MYOD1: variants seen among roughly 807,000 people sequenced by gnomAD.
The protein encoded by MYOD1 is myoblast determination protein 1.
A neutral mutation model predicts 14.9 loss-of-function variants in MYOD1; 15 were observed. The observed-to-expected ratio is 1.01, with a 90% confidence interval of 0.67 to 1.55. The LOEUF (loss-of-function observed/expected upper bound fraction) is 1.55. Ranked by LOEUF, MYOD1 falls within the 40% of genes most tolerant of loss-of-function variation. The probability of loss-of-function intolerance (pLI) is 0.00; values close to 1 mark genes in which losing one functional copy is unlikely to be tolerated. For synonymous variants in MYOD1, 235 were observed against 218.6 expected (o/e 1.07, Z -0.66); for missense variants, 529 against 482.6 (o/e 1.10, Z -0.90).
rs922852099 is a variant in MYOD1 at position 17,720,936 on chromosome 11, G to A, written c.665G>A (p.Arg222Gln). ...AGCGGCCCCCCGAGCGGCGCCCGGC[G>A]GCGGAACTGCTACGAAGGCGCCTAC... ...DYSGPPSGAR[R>Q]RNCYEGAYYN... is the part of the protein sequence containing the mutation. Residue 222 changes from arginine to glutamine, a missense_variant, in exon 2 of 3, where the codon CGG becomes CAG. Transcript: ENST00000250003. 3.1e-6 allele frequency: 5 copies of A among 1,610,516 alleles called. No homozygotes were observed. Among genetic ancestry groups the A allele is most frequent in the Non-Finnish European group, 2.5e-6 (3 of 1,179,258 alleles).
Position 17,721,541 on chromosome 11 carries a change from G to A in MYOD1, c.*33G>A. 6.7e-7 allele frequency: 1 copy of A among 1,493,618 alleles called. No individual in the cohort carries two copies. Among genetic ancestry groups the A allele is most frequent in the Non-Finnish European group, 8.9e-7 (1 of 1,127,914 alleles). 92.5% of individuals were successfully genotyped at this position (1,493,618 alleles called of 1,614,324 possible). On this transcript the variant is annotated 3_prime_UTR_variant, in exon 3 of 3. Transcript: ENST00000250003. The surrounding 1 kb of genome is among the most constrained non-coding windows in gnomAD (Gnocchi z 6.2). ...GTGGCCGCCCACCCGCCCGAGGGAT[G>A]GTGCCCCTAGGGTCCCTCGCGCCCA...
chr11:17,721,849 G>T lies in MYOD1; in HGVS notation c.*341G>T. The T allele has an allele frequency of 3.1e-6, 1 of 321,350 alleles. No individual in the cohort carries two copies. Among genetic ancestry groups the T allele is most frequent in the Non-Finnish European group, 5.6e-6 (1 of 177,306 alleles). The allele number at this position is 321,350 out of a possible 1,614,324, so 19.9% of individuals were successfully genotyped here. A position where few individuals can be genotyped will look rare whatever the true frequency, so the allele number is the denominator to read the frequency against. ...CTAAGCCCTGCCCCGGGATGCACCG[G>T]TTATTTGGGGGGGCGTGAGACCCAG... On this transcript the variant is annotated 3_prime_UTR_variant, in exon 3 of 3. Coordinates refer to ENST00000250003, the MANE Select transcript of MYOD1 (RefSeq NM_002478.5). This position sits in a 1 kb window ranked among gnomAD's most constrained non-coding sequence, Gnocchi z 6.2.
In MYOD1 at chr11:17,721,661, C is replaced by T; in HGVS notation, c.*153C>T. ...GGGAGAACTGAAGTTTCCGCCCCCGCCCCACAGGGCAAGGACACAGCGCGG... is the reference window on the plus strand; with the variant it reads ...GGGAGAACTGAAGTTTCCGCCCCCGTCCCACAGGGCAAGGACACAGCGCGG... On this transcript the variant is annotated 3_prime_UTR_variant, in exon 3 of 3. Coordinates refer to ENST00000250003, the MANE Select transcript of MYOD1 (RefSeq NM_002478.5). The surrounding 1 kb of genome is among the most constrained non-coding windows in gnomAD (Gnocchi z 6.2). 1.1e-6 allele frequency: 1 copy of T among 889,570 alleles called. No individual in the cohort carries two copies. 55.1% of individuals were successfully genotyped at this position (889,570 alleles called of 1,614,324 possible).
In MYOD1 at chr11:17,721,178, C is replaced by T; in HGVS notation, c.710-77C>T. Reference sequence around the variant, plus strand: ...CTAAAGTCCTCAGTTTCCAATCTGTCTCAAAGTACTGGGCCCGGGGGTGGG... The same window carrying T: ...CTAAAGTCCTCAGTTTCCAATCTGTTTCAAAGTACTGGGCCCGGGGGTGGG... On this transcript the variant is annotated intron_variant, in intron 2 of 2. Transcript: ENST00000250003. This position sits in a 1 kb window ranked among gnomAD's most constrained non-coding sequence, Gnocchi z 6.2. 1 of 1,446,500 alleles carries T rather than the reference C, an allele frequency of 6.9e-7. No homozygotes were observed. The highest frequency in any genetic ancestry group is 9.1e-7 in the Non-Finnish European group (1 of 1,099,050). The allele number at this position is 1,446,500 out of a possible 1,614,324, so 89.6% of individuals were successfully genotyped here. A position where few individuals can be genotyped will look rare whatever the true frequency, so the allele number is the denominator to read the frequency against.
Position 17,721,492 on chromosome 11 carries a change from T to A in MYOD1, c.947T>A (p.Ile316Lys), listed in dbSNP as rs1460203584. ...CCTGCGGGTGCGAACCCCAACCCGA[T>A]ATACCAGGTGCTCTGAGGGGATGGT... is the stretch of plus-strand genomic sequence containing the variant. Reference protein sequence around the residue: ...QCPAGANPNPIYQVL With the variant: ...QCPAGANPNPKYQVL Residue 316 changes from isoleucine to lysine, a missense_variant, in exon 3 of 3, where the codon ATA (isoleucine) becomes AAA (lysine). By Grantham distance (102) the Ile-to-Lys change is moderately radical. Transcript: ENST00000250003. This position sits in a 1 kb window ranked among gnomAD's most constrained non-coding sequence, Gnocchi z 6.2. The A allele has an allele frequency of 1.3e-6, 2 of 1,564,444 alleles. No individual in the cohort carries two copies. Among genetic ancestry groups the A allele is most frequent in the East Asian group, 4.5e-5 (2 of 43,994 alleles).
chr11:17,720,499 G>A lies in MYOD1; in HGVS notation c.630+87G>A, dbSNP rs570392654. 2.0e-4 allele frequency: 288 copies of A among 1,433,696 alleles called. 1 individual carries two copies. The Admixed American group carries it at 3.0e-3, about 15-fold the overall frequency. The allele number at this position is 1,433,696 out of a possible 1,614,324, so 88.8% of individuals were successfully genotyped here. The stretch of plus-strand genomic sequence containing the variant: ...TTTCCGAGGGCGGGGAGCTGGCCTT[G>A]CGGGAGGTTTGGGCCAGGATCCTTC... On this transcript the variant is annotated intron_variant, in intron 1 of 2. Coordinates refer to ENST00000250003, the MANE Select transcript of MYOD1 (RefSeq NM_002478.5).
At position 17,719,895 on chromosome 11, in the gene MYOD1, C is replaced by T. The variant is rs1848618879; in HGVS notation, c.113C>T (p.Pro38Leu). 5 of 1,613,942 alleles carry T rather than the reference C, an allele frequency of 3.1e-6. No homozygotes were observed. The highest frequency in any genetic ancestry group is 4.2e-6 in the Non-Finnish European group (5 of 1,179,992). Reference protein sequence around the residue: ...DFYDDPCFDSPDLRFFEDLDP... With the variant: ...DFYDDPCFDSLDLRFFEDLDP... ...TATGACGACCCGTGTTTCGACTCCCCGGACCTGCGCTTCTTCGAAGACCTG... is the reference window on the plus strand; with the variant it reads ...TATGACGACCCGTGTTTCGACTCCCTGGACCTGCGCTTCTTCGAAGACCTG... Residue 38 changes from proline to leucine, a missense_variant, in exon 1 of 3, where the codon CCG becomes CTG. Physicochemically the swap from Pro to Leu is moderately conservative, Grantham distance 98. Transcript: ENST00000250003.
rs1848626606 is a variant in MYOD1, at chr11:17,720,427, C to A, written c.630+15C>A. On this transcript the variant is annotated intron_variant, in intron 1 of 2. Coordinates refer to ENST00000250003, the MANE Select transcript of MYOD1 (RefSeq NM_002478.5). ...CCGACGGCATGGTAAGGCCGGGACC[C>A]CAGGAAGTGAGGAAGTTAGGGCGGC... The A allele has an allele frequency of 1.3e-6, 2 of 1,533,872 alleles. No homozygotes were observed. The highest frequency in any genetic ancestry group is 1.7e-6 in the Non-Finnish European group (2 of 1,157,750).
rs1276468168 is a variant in MYOD1 at position 17,722,008 on chromosome 11, C to T, written c.*500C>T. The T allele has an allele frequency of 4.7e-6, 1 of 213,814 alleles. No individual in the cohort carries two copies. The highest frequency in any genetic ancestry group is 7.0e-5 in the East Asian group (1 of 14,372). The allele number at this position is 213,814 out of a possible 1,614,324, so 13.2% of individuals were successfully genotyped here. On this transcript the variant is annotated 3_prime_UTR_variant, in exon 3 of 3. Coordinates refer to ENST00000250003, the MANE Select transcript of MYOD1 (RefSeq NM_002478.5). ...GAGTTGCTTTGCCAGAGCAGGAGCC[C>T]CTGGGGCTGTATTTATCTCTGAGGC...
chr11:17,720,376 C>G lies in MYOD1; in HGVS notation c.594C>G (p.Asp198Glu). 4 of 1,560,668 alleles carry G rather than the reference C, an allele frequency of 2.6e-6. No individual in the cohort carries two copies. Among genetic ancestry groups the G allele is most frequent in the Non-Finnish European group, 2.6e-6 (3 of 1,162,494 alleles). Reference sequence around the variant, plus strand: ...GCGAGCACTACAGCGGCGACTCCGACGCGTCCAGCCCGCGCTCCAACTGCT... The same window carrying G: ...GCGAGCACTACAGCGGCGACTCCGAGGCGTCCAGCCCGCGCTCCAACTGCT... ...RGGEHYSGDSDASSPRSNCSD... is the reference protein window; with the variant it reads ...RGGEHYSGDSEASSPRSNCSD... Residue 198 changes from aspartate to glutamate, a missense_variant, in exon 1 of 3, where the codon GAC becomes GAG. Asp to Glu is a conservative substitution (Grantham distance 45). Coordinates refer to ENST00000250003, the MANE Select transcript of MYOD1 (RefSeq NM_002478.5).
chr11:17,720,005 G>T lies in MYOD1; in HGVS notation c.223G>T (p.Ala75Ser). The change falls in exon 1 of 3, where the codon GCA (alanine) becomes TCA (serine). Residue 75 changes from alanine (A) to serine (S), a missense_variant. Ala to Ser is a moderately conservative substitution (Grantham distance 99). Coordinates refer to ENST00000250003, the MANE Select transcript of MYOD1 (RefSeq NM_002478.5). ...FPAAVHPAPG[A>S]REDEHVRAPS... ...CGCGGCGGTGCACCCGGCCCCGGGC[G>T]CACGTGAGGACGAGCATGTGCGCGC... 1.2e-6 allele frequency: 2 copies of T among 1,602,798 alleles called. No homozygotes were observed. The highest frequency in any genetic ancestry group is 1.7e-6 in the Non-Finnish European group (2 of 1,175,188).
In MYOD1 at chr11:17,720,925, C is replaced by T; in HGVS notation, c.654C>T (p.Ser218=). Residue 218 remains serine (S), a synonymous_variant, in exon 2 of 3, where the codon AGC becomes AGT. Coordinates refer to ENST00000250003, the MANE Select transcript of MYOD1 (RefSeq NM_002478.5). ...AGATGGACTACAGCGGCCCCCCGAGCGGCGCCCGGCGGCGGAACTGCTACG... is the reference window on the plus strand; with the variant it reads ...AGATGGACTACAGCGGCCCCCCGAGTGGCGCCCGGCGGCGGAACTGCTACG... ...DGMMDYSGPP[S]GARRRNCYEG... 5 of 1,611,378 alleles carry T rather than the reference C, an allele frequency of 3.1e-6. No homozygotes were observed. The highest frequency in any genetic ancestry group is 4.2e-6 in the Non-Finnish European group (5 of 1,179,462).
In MYOD1 at chr11:17,721,086, G is replaced by A; in HGVS notation, c.709+106G>A. 7.1e-7 allele frequency: 1 copy of A among 1,414,334 alleles called. No individual in the cohort carries two copies. The highest frequency in any genetic ancestry group is 9.4e-7 in the Non-Finnish European group (1 of 1,065,948). 87.6% of individuals were successfully genotyped at this position (1,414,334 alleles called of 1,614,324 possible). ...CCACTCACACACGCCTATGTCCTGG[G>A]AAGTGGTGCAGGAGATGAAATACTA... On this transcript the variant is annotated intron_variant, in intron 2 of 2. Transcript: ENST00000250003. The surrounding 1 kb of genome is among the most constrained non-coding windows in gnomAD (Gnocchi z 6.2).
rs775068291 is a variant in MYOD1, at chr11:17,720,127, C to T, written c.345C>T (p.Thr115=). 1.3e-6 allele frequency: 2 copies of T among 1,592,862 alleles called. No homozygotes were observed. The highest frequency in any genetic ancestry group is 4.6e-5 in the East Asian group (2 of 43,430). The part of the protein sequence containing the change: ...TTNADRRKAA[T]MRERRRLSKV... ...ACGCCGACCGCCGCAAGGCCGCCAC[C>T]ATGCGCGAGCGGCGCCGCCTGAGCA... Residue 115 remains threonine, a synonymous_variant, in exon 1 of 3, where the codon ACC becomes ACT. Transcript: ENST00000250003.
Position 17,720,966 on chromosome 11 carries a change from A to G in MYOD1, c.695A>G (p.Asn232Ser). The change falls in exon 2 of 3, where the codon AAC becomes AGC. Residue 232 changes from asparagine to serine, a missense_variant. Transcript: ENST00000250003. ...AACTGCTACGAAGGCGCCTACTACAACGAGGCGCCCAGCGGTGGGTATTCC... is the reference window on the plus strand; with the variant it reads ...AACTGCTACGAAGGCGCCTACTACAGCGAGGCGCCCAGCGGTGGGTATTCC... ...RRNCYEGAYY[N>S]EAPSEPRPGK... is the part of the protein sequence containing the mutation. The G allele has an allele frequency of 1.2e-6, 2 of 1,602,260 alleles. No homozygotes were observed. Among genetic ancestry groups the G allele is most frequent in the South Asian group, 1.1e-5 (1 of 89,462 alleles).
Position 17,719,594 on chromosome 11 carries a change from C to T in MYOD1, c.-189C>T. ...CTAGGGGTGAGGAAGCCCTGGGGCG[C>T]TGCCGCCGCTTTCCTTAACCACAAA... On this transcript the variant is annotated 5_prime_UTR_variant, in exon 1 of 3. Coordinates refer to ENST00000250003, the MANE Select transcript of MYOD1 (RefSeq NM_002478.5). The T allele has an allele frequency of 1.4e-6, 1 of 737,156 alleles. No individual in the cohort carries two copies. The highest frequency in any genetic ancestry group is 2.1e-6 in the Non-Finnish European group (1 of 468,360). The allele number at this position is 737,156 out of a possible 1,614,324, so 45.7% of individuals were successfully genotyped here. A position where few individuals can be genotyped will look rare whatever the true frequency, so the allele number is the denominator to read the frequency against.
rs763552338 is a variant in MYOD1 at position 17,719,780 on chromosome 11, G to T, written c.-3G>T. On this transcript the variant is annotated 5_prime_UTR_variant, in exon 1 of 3. Coordinates refer to ENST00000250003, the MANE Select transcript of MYOD1 (RefSeq NM_002478.5). ...CAGGACCGTGCCGCGCCACCGCCAGGATATGGAGCTACTGTCGCCACCGCT... is the reference window on the plus strand; with the variant it reads ...CAGGACCGTGCCGCGCCACCGCCAGTATATGGAGCTACTGTCGCCACCGCT... 6.2e-7 allele frequency: 1 copy of T among 1,611,330 alleles called. No homozygotes were observed. The highest frequency in any genetic ancestry group is 2.2e-5 in the East Asian group (1 of 44,834).
chr11:17,721,319 C>T lies in MYOD1; in HGVS notation c.774C>T (p.Arg258=), dbSNP rs1351137492. Residue 258 remains arginine, a synonymous_variant, in exon 3 of 3, where the codon CGC becomes CGT. Coordinates refer to ENST00000250003, the MANE Select transcript of MYOD1 (RefSeq NM_002478.5). This position sits in a 1 kb window ranked among gnomAD's most constrained non-coding sequence, Gnocchi z 6.2. ...ACTGCCTGTCCAGCATCGTGGAGCG[C>T]ATCTCCACCGAGAGCCCTGCGGCGC... ...SLDCLSSIVE[R]ISTESPAAPA... 1.3e-6 allele frequency: 2 copies of T among 1,593,290 alleles called. No homozygotes were observed. The highest frequency in any genetic ancestry group is 2.3e-5 in the East Asian group (1 of 44,346).
Position 17,720,177 on chromosome 11 carries a change from T to C in MYOD1, c.395T>C (p.Leu132Pro). ...AAAGTAAATGAGGCCTTTGAGACAC[T>C]CAAGCGCTGCACGTCGAGCAATCCA... is the stretch of plus-strand genomic sequence containing the variant. Reference protein sequence around the residue: ...LSKVNEAFETLKRCTSSNPNQ... With the variant: ...LSKVNEAFETPKRCTSSNPNQ... The change falls in exon 1 of 3, where the codon CTC becomes CCC. Residue 132 changes from leucine to proline, a missense_variant. Physicochemically the swap from Leu to Pro is moderately conservative, Grantham distance 98. Coordinates refer to ENST00000250003, the MANE Select transcript of MYOD1 (RefSeq NM_002478.5). 1 of 1,609,162 alleles carries C rather than the reference T, an allele frequency of 6.2e-7. No homozygotes were observed. Among genetic ancestry groups the C allele is most frequent in the Non-Finnish European group, 8.5e-7 (1 of 1,178,472 alleles).
Sources: allele counts gnomAD v4.1 joint callset, GRCh38; gene constraint gnomAD v4.1.1; non-coding constraint Gnocchi (gnomAD v3.1); transcripts MANE v1.5; gene names NCBI Gene and HGNC (gene_info 2026-07-23, HGNC 2026-07-21).